Variants in CDON observed in about 807,000 individuals in gnomAD.
The protein encoded by CDON is cell adhesion molecule-related/down-regulated by oncogenes.
CDON carries 73 observed loss-of-function variants against 120.9 expected under a neutral mutation model. That is an observed-to-expected ratio of 0.60 (90% CI 0.50 to 0.73). The LOEUF is 0.73. Among genes scored for constraint, CDON ranks in the 30% least tolerant of loss-of-function variants. The probability of loss-of-function intolerance (pLI) is 0.00; values close to 1 mark genes in which losing one functional copy is unlikely to be tolerated. For missense variants in CDON, 1,470 were observed against 1,587.3 expected (o/e 0.93, Z 1.26); for synonymous variants, 566 against 573.5 (o/e 0.99, Z 0.19).
At chr11:126,060,176 A>C (rs1166334729) in intron 1 of CDON, among the ~76,000 whole-genome samples, 1 of 152,214 alleles carries the variant, frequency 6.6e-6, no homozygotes, top group Non-Finnish European at 1.5e-5. Context: ...CAAGTTCACG[A>C]AATTTCTTGA....
At chr11:125,976,303 C>T (rs1156811822) in intron 18 of CDON, among the ~76,000 whole-genome samples, 1 of 152,122 alleles carries the variant, frequency 6.6e-6, no homozygotes, top group African/African-American at 2.4e-5. Flanking sequence ...CATACAGTTG[C>T]TCCTGGGAGC....
At chr11:126,019,335 G>A (rs902006208) in intron 4 of CDON, among the ~76,000 whole-genome samples, 24 of 152,182 alleles carry the variant, frequency 1.6e-4, no homozygotes, top group African/African-American at 5.1e-4. Flanking sequence ...AAAGCAAAAC[G>A]AAATAAAGGG....
intron 8 of CDON, among the ~76,000 whole-genome samples, chr11:126,008,635 C>T (rs1947198566): frequency 6.6e-6 from 1 of 152,164 alleles, no homozygotes; most frequent in Non-Finnish European, 1.5e-5. Flanking sequence ...TCTCTCTACA[C>T]CCTGTATTCA....
intron 11 of CDON, among the ~76,000 whole-genome samples, chr11:126,000,088 G>A (rs192684633): frequency 1.4e-4 from 21 of 152,224 alleles, no homozygotes; most frequent in Admixed American, 1.3e-3. Flanking sequence ...GATATTTCTC[G>A]TGAACCCATA....
chr11:125,998,783 T>C (rs1487460649), intron 11 of CDON, among the ~76,000 whole-genome samples: 1 of 152,206 alleles, frequency 6.6e-6, no homozygotes, highest in Non-Finnish European at 1.5e-5. Context: ...GTGAACTGGA[T>C]AGACATGAGC....
chr11:125,997,278 C>T lies in CDON; in HGVS notation c.2291G>A (p.Ser764Asn), dbSNP rs894831848. The T allele has an allele frequency of 6.2e-7, 1 of 1,614,042 alleles. No homozygotes were observed. The highest frequency in any genetic ancestry group is 1.3e-5 in the African/African-American group (1 of 74,926). The change falls in exon 12 of 20, where the codon AGC becomes AAC. Residue 764 changes from serine (S) to asparagine (N), a missense_variant. Physicochemically the swap from Ser to Asn is conservative, Grantham distance 46. Coordinates refer to ENST00000531738, the MANE Select transcript of CDON (RefSeq NM_001378964.1). Reference sequence around the variant, plus strand: ...GTCTTCAGCTGCCACCAGCCAATTGCTGGTCCTCATCCGTTTATATTCGAC... The same window carrying T: ...GTCTTCAGCTGCCACCAGCCAATTGTTGGTCCTCATCCGTTTATATTCGAC... ...FKVEYKRMRT[S>N]NWLVAAEDIP...
intron 15 of CDON, among the ~76,000 whole-genome samples, chr11:125,986,373 A>ATATG (rs1946459875): frequency 6.6e-6 from 1 of 152,230 alleles, no homozygotes; most frequent in Non-Finnish European, 1.5e-5. Context: ...CGGCACATGT[A>ATATG]TATGTATGTA....
intron 1 of CDON, among the ~76,000 whole-genome samples, chr11:126,060,140 A>G (rs963541773): frequency 1.3e-5 from 2 of 152,160 alleles, no homozygotes; most frequent in African/African-American, 4.8e-5. Context: ...ATAAAAATTT[A>G]AGTAAAAATA....
chr11:125,987,100 A>C (rs1329918983), intron 15 of CDON, among the ~76,000 whole-genome samples: 1 of 152,208 alleles, frequency 6.6e-6, no homozygotes, highest in African/African-American at 2.4e-5. Context: ...ATCAGGTTTA[A>C]TCACTCTTTC....
At chr11:125,981,401 CGCAT>C (rs1832734423) in intron 16 of CDON, 72 bp from the exon 17 acceptor site, 1 of 1,458,788 alleles carries the variant, frequency 6.9e-7, no homozygotes, top group African/African-American at 1.4e-5. Context: ...TACGCACACA[CGCAT>C]GCACACATGC....
chr11:125,974,689 G>C (rs571431906), intron 18 of CDON, among the ~76,000 whole-genome samples: 5 of 152,010 alleles, frequency 3.3e-5, no homozygotes, highest in Non-Finnish European at 5.9e-5. Context: ...TACTTGGATA[G>C]AACTTAAAAT....
intron 18 of CDON, among the ~76,000 whole-genome samples, chr11:125,962,639 TTTTC>T (rs529379723): frequency 9.0e-4 from 137 of 152,356 alleles, no homozygotes; most frequent in African/African-American, 1.5e-3. Flanking sequence ...ACAATGTGTG[TTTTC>T]TTTAATTTTT....
chr11:126,017,804 T>C (rs1947513736), intron 5 of CDON, among the ~76,000 whole-genome samples: 1 of 151,908 alleles, frequency 6.6e-6, no homozygotes. Flanking sequence ...AAGGGCAAAA[T>C]TCTCCACATG....
At position 126,001,760 on chromosome 11, in the gene CDON, T is replaced by C. The variant is rs758917619; in HGVS notation, c.2117A>G (p.Asn706Ser). Residue 706 changes from asparagine to serine, a missense_variant, in exon 11 of 20, where the codon AAT (asparagine) becomes AGT (serine). Asn to Ser is a conservative substitution (Grantham distance 46). Coordinates refer to ENST00000531738, the MANE Select transcript of CDON (RefSeq NM_001378964.1). ...YPVVSEAANN[N>S]FGVVLTDSSR... Reference sequence around the variant, plus strand: ...GGAATCTGTAAGTACCACTCCAAAATTGTTGTTTGCAGCCTCTGAAACAAC... The same window carrying C: ...GGAATCTGTAAGTACCACTCCAAAACTGTTGTTTGCAGCCTCTGAAACAAC... 8 of 1,613,646 alleles carry C rather than the reference T, an allele frequency of 5.0e-6. No homozygotes were observed. The Admixed American group carries it at 5.0e-5, about 10-fold the overall frequency.
intron 11 of CDON, among the ~76,000 whole-genome samples, chr11:125,999,178 T>A (rs1946869083): frequency 6.6e-6 from 1 of 152,214 alleles, no homozygotes; most frequent in Non-Finnish European, 1.5e-5. Context: ...GTATGGTTAG[T>A]GAATCTTTTT....
intron 19 of CDON, 97 bp downstream of exon 19, chr11:125,961,627 C>A (rs2134337579): frequency 6.5e-7 from 1 of 1,531,500 alleles, no homozygotes; most frequent in South Asian, 1.2e-5. Flanking sequence ...GTAAACTAAT[C>A]ATAGAGGGGA....
chr11:126,014,696 A>G (rs1947409127), intron 7 of CDON: 1 of 154,180 alleles, frequency 6.5e-6, no homozygotes, highest in South Asian at 2.0e-4. Context: ...ACAACTACAC[A>G]ATGGACCACT....
rs1254956222 is a variant in CDON, at chr11:125,959,773, G to A, written c.*1169C>T. The A allele has an allele frequency of 6.6e-6, 1 of 152,114 alleles. No individual in the cohort carries two copies. The highest frequency in any genetic ancestry group is 1.5e-5 in the Non-Finnish European group (1 of 68,038). The allele number at this position is 152,114 out of a possible 1,614,324, so 9.4% of individuals were successfully genotyped here. On this transcript the variant is annotated 3_prime_UTR_variant, in exon 20 of 20. Transcript: ENST00000531738. ...CCCTGTGCTAATCCAACAGACTGGA[G>A]AGCTCCCGCCAAGACAGGCTCCCTG...
In CDON at chr11:125,961,942, A is replaced by T. The variant is rs1264523920; in HGVS notation, c.3413T>A (p.Val1138Glu). The change falls in exon 19 of 20, where the codon GTG becomes GAG. Residue 1138 changes from valine (V) to glutamate (E), a missense_variant. Transcript: ENST00000531738. Reference sequence around the variant, plus strand: ...ACCATCCTGAGGATAAGGTGCTACCACAGGGACCACAGGAGGAGGGCTGCT... The same window carrying T: ...ACCATCCTGAGGATAAGGTGCTACCTCAGGGACCACAGGAGGAGGGCTGCT... ...FSSSPPPVVPVVAPYPQDGLE... is the reference protein window; with the variant it reads ...FSSSPPPVVPEVAPYPQDGLE... 6.2e-7 allele frequency: 1 copy of T among 1,614,232 alleles called. No homozygotes were observed.
Sources: allele counts gnomAD v4.1 joint callset (sites outside exome capture counted in the v4.1 genomes callset), GRCh38; gene constraint gnomAD v4.1.1; transcripts MANE v1.5; gene names NCBI Gene and HGNC (gene_info 2026-07-23, HGNC 2026-07-21).